CDH13: variants seen among roughly 807,000 people sequenced by gnomAD.
CDH13 encodes the protein cadherin 13, also known as cadherin-13.
Under a neutral mutation model 63.8 loss-of-function variants are expected in CDH13, and 24 were observed. The observed-to-expected ratio is 0.38, with a 90% CI of 0.27 to 0.53. The LOEUF (loss-of-function observed/expected upper bound fraction) is 0.53, where lower values mean the gene tolerates loss of function less well. Among genes scored for constraint, CDH13 ranks in the 20% least tolerant of loss-of-function variants. The pLI is 0.85. For missense variants in CDH13, 1,049 were observed against 903.1 expected, an observed-to-expected ratio of 1.16 and a Z score of -2.07; for synonymous variants, 503 against 355.3, an observed-to-expected ratio of 1.42 and a Z score of -4.67.
At chr16:82,875,902 G>T (rs1272573737) in intron 2 of CDH13, among the ~76,000 whole-genome samples, 2 of 152,176 alleles carry the variant, frequency 1.3e-5, no homozygotes, top group Non-Finnish European at 2.9e-5. Context: ...CAAAAGAAAG[G>T]TTTATTGGAC....
chr16:82,803,034 T>C (rs1005622428), intron 1 of CDH13, among the ~76,000 whole-genome samples: 2 of 152,244 alleles, frequency 1.3e-5, no homozygotes, highest in Non-Finnish European at 1.5e-5. Flanking sequence ...TGTGCTATTC[T>C]ATAGTAGAAA....
rs201544349 is a variant in CDH13 at position 83,417,533 on chromosome 16, C to G, written c.782-68944C>G. 2.0e-5 allele frequency among the ~76,000 whole-genome samples: 3 copies of G among 152,148 alleles called. No homozygotes were observed. In the East Asian group the frequency reaches 5.8e-4, roughly 29 times the overall value. ...TCCAATTTATCCTGCTCACTGACAC[C>G]TCAGTTGCCATTTGGAAACGAAAAT... On this transcript the variant is annotated intron_variant, in intron 6 of 13. Coordinates refer to ENST00000567109, the MANE Select transcript of CDH13 (RefSeq NM_001257.5).
intron 3 of CDH13, among the ~76,000 whole-genome samples, chr16:83,046,103 A>T (rs992076525): frequency 2.6e-5 from 4 of 152,132 alleles, no homozygotes; most frequent in African/African-American, 7.2e-5. Context: ...TCAAGGCCTA[A>T]TCTCATCATA....
intron 7 of CDH13, among the ~76,000 whole-genome samples, chr16:83,533,852 C>T (rs1188362492): frequency 6.6e-6 from 1 of 151,966 alleles, no homozygotes; most frequent in Non-Finnish European, 1.5e-5. Flanking sequence ...AACTCCTGAC[C>T]CCAAGTGATC....
At chr16:83,191,464 T>TATATATATATATATATATATGCAC (rs2038698778) in intron 4 of CDH13, among the ~76,000 whole-genome samples, 2 of 92,500 alleles carry the variant, frequency 2.2e-5, no homozygotes, top group Non-Finnish European at 4.3e-5. Context: ...AGGAAATATA[T>TATATATATATATATATATATGCAC]ATATATATAT....
At chr16:82,928,369 T>C (rs947403373) in intron 2 of CDH13, among the ~76,000 whole-genome samples, 1 of 152,204 alleles carries the variant, frequency 6.6e-6, no homozygotes, top group South Asian at 2.1e-4. Flanking sequence ...GCATGTGGCA[T>C]TGAATTATAG....
At chr16:82,858,221 T>C (rs2039782119) in intron 1 of CDH13, 141 bp from the exon 2 acceptor site, 1 of 606,188 alleles carries the variant, frequency 1.6e-6, no homozygotes, top group African/African-American at 1.9e-5. Context: ...TGGCAGCCAC[T>C]GGAGAAGTTT....
At chr16:83,233,794 C>A (rs1049125220) in intron 5 of CDH13, among the ~76,000 whole-genome samples, 4 of 152,142 alleles carry the variant, frequency 2.6e-5, no homozygotes, top group African/African-American at 9.7e-5. Context: ...TAGTTCACAA[C>A]ATTAATCTTC....
At chr16:83,049,961 G>T (rs1313247573) in intron 3 of CDH13, among the ~76,000 whole-genome samples, 1 of 152,240 alleles carries the variant, frequency 6.6e-6, no homozygotes, top group Non-Finnish European at 1.5e-5. Context: ...TTAAGATGAT[G>T]CTACAAAAAT....
At chr16:83,423,349 A>G (rs2071774126) in intron 6 of CDH13, among the ~76,000 whole-genome samples, 1 of 152,226 alleles carries the variant, frequency 6.6e-6, no homozygotes, top group South Asian at 2.1e-4. Flanking sequence ...CAAAGAAGAA[A>G]AAAAGCCTAA....
Position 83,722,659 on chromosome 16 carries a change from A to C in CDH13, c.1539-25449A>C, listed in dbSNP as rs1471969880. Among the ~76,000 whole-genome samples the C allele has an allele frequency of 1.1e-4, 17 of 152,216 alleles. 1 individual carries two copies. Among genetic ancestry groups the C allele is most frequent in the Admixed American group, 1.0e-3 (16 of 15,282 alleles). On this transcript the variant is annotated intron_variant, in intron 10 of 13. Coordinates refer to ENST00000567109, the MANE Select transcript of CDH13 (RefSeq NM_001257.5). ...AACCTTGCAAAACTGAGCCAACTGC[A>C]CTGATGTATCCTGTTGTCTGTCCCA...
At chr16:83,464,978 CT>C (rs2073272612) in intron 6 of CDH13, among the ~76,000 whole-genome samples, 2 of 152,152 alleles carry the variant, frequency 1.3e-5, no homozygotes, top group African/African-American at 4.8e-5. Context: ...GATATCAAGT[CT>C]GGGAATGACA....
At chr16:83,428,905 G>T (rs981433795) in intron 6 of CDH13, among the ~76,000 whole-genome samples, 2 of 152,160 alleles carry the variant, frequency 1.3e-5, no homozygotes, top group African/African-American at 4.8e-5. Flanking sequence ...TGTTGCACTG[G>T]GCCAATCCAT....
chr16:83,760,548 T>C (rs1567577997), intron 11 of CDH13, among the ~76,000 whole-genome samples: 1 of 152,194 alleles, frequency 6.6e-6, no homozygotes. Flanking sequence ...CATGGGTGAA[T>C]CTCACAAACA....
chr16:83,783,159 A>G, intron 12 of CDH13, 95 bp from the exon 13 acceptor site: 1 of 780,376 alleles, frequency 1.3e-6, no homozygotes, highest in Non-Finnish European at 2.2e-6. Context: ...ATGAAAATGC[A>G]ATGCCTGTTT....
chr16:83,265,753 T>TTTTTTTTTTTTTTTTTTTTTTTTTTTC (rs369864549), intron 5 of CDH13, among the ~76,000 whole-genome samples: 1 of 132,548 alleles, frequency 7.5e-6, no homozygotes, highest in Admixed American at 7.8e-5. Flanking sequence ...TTTTTTTTTT[T>TTTTTTTTTTTTTTTTTTTTTTTTTTTC]GGTCTGTGTC....
At chr16:82,649,939 AGTGCCCGGT>A (rs1910531320) in intron 1 of CDH13, among the ~76,000 whole-genome samples, 1 of 152,334 alleles carries the variant, frequency 6.6e-6, no homozygotes, top group African/African-American at 2.4e-5. Flanking sequence ...TGCTTAAGAC[AGTGCCCGGT>A]GTGCTGTAAG....
chr16:83,303,606 T>C (rs1390441050), intron 5 of CDH13, among the ~76,000 whole-genome samples: 1 of 151,826 alleles, frequency 6.6e-6, no homozygotes, highest in Admixed American at 6.5e-5. Flanking sequence ...TTGAAGGCCA[T>C]TTGTTCCTTT....
At chr16:83,398,231 C>G (rs759948650) in intron 6 of CDH13, 10 of 152,252 alleles carry the variant, frequency 6.6e-5, no homozygotes, top group South Asian at 2.1e-4. Context: ...AACTTATTCT[C>G]TAGCTTCTGG....
Sources: gnomAD v4.1 joint callset for allele counts (sites outside exome capture counted in the v4.1 genomes callset) on GRCh38, gnomAD v4.1.1 for gene constraint, MANE v1.5 for transcripts, NCBI Gene and HGNC (gene_info 2026-07-23, HGNC 2026-07-21) for gene names.